The following DLGAP2 variants were observed in gnomAD, a reference collection of about 807,000 sequenced individuals.
DLGAP2 encodes the protein disks large-associated protein 2.
DLGAP2 carries 26 observed loss-of-function variants against 100.3 expected under a neutral mutation model. The ratio of observed to expected loss-of-function variants is 0.26; its 90% CI spans 0.19 to 0.36. The LOEUF is 0.36. Ranked by LOEUF, DLGAP2 falls within the 10% of genes least tolerant of loss-of-function variation. DLGAP2 has a pLI of 1.00. For missense variants in DLGAP2, 1,858 were observed against 1,453.2 expected (o/e 1.28, Z -4.53); for synonymous variants, 886 against 630.1 (o/e 1.41, Z -6.08).
chr8:1,264,016 A>C (rs2116915647), intron 3 of DLGAP2, among the ~76,000 whole-genome samples: 1 of 152,340 alleles, frequency 6.6e-6, no homozygotes, highest in East Asian at 1.9e-4. Context: ...ATCAGAAAAC[A>C]GTCTCTAGGG....
chr8:1,476,581 T>G (rs1025910462), intron 3 of DLGAP2, among the ~76,000 whole-genome samples: 1 of 152,192 alleles, frequency 6.6e-6, no homozygotes, highest in Admixed American at 6.5e-5. Context: ...CAAATGTTAG[T>G]GCTGTCCCCA....
chr8:963,565 G>T (rs1026819043), intron 2 of DLGAP2, among the ~76,000 whole-genome samples: 2 of 152,006 alleles, frequency 1.3e-5, no homozygotes, highest in South Asian at 4.2e-4. Context: ...TCAACACAAC[G>T]TAAGCAAGGA....
chr8:1,549,658 C>T lies in DLGAP2; in HGVS notation c.1205C>T (p.Ala402Val). 1.3e-6 allele frequency: 2 copies of T among 1,562,552 alleles called. No individual in the cohort carries two copies. The highest frequency in any genetic ancestry group is 1.7e-6 in the Non-Finnish European group (2 of 1,153,778). Residue 402 changes from alanine to valine, a missense_variant, in exon 5 of 15, where the codon GCC becomes GTC. Ala to Val is a moderately conservative substitution (Grantham distance 64). Coordinates refer to ENST00000637795, the MANE Select transcript of DLGAP2 (RefSeq NM_001346810.2). ...KPLLHQDAKP[A>V]LRPCHYLQVP... ...CTGCTGCACCAGGACGCCAAGCCCG[C>T]CCTGAGGCCGTGCCACTACCTCCAG...
intron 1 of DLGAP2, among the ~76,000 whole-genome samples, chr8:770,182 G>C (rs1821321154): frequency 6.6e-6 from 1 of 152,156 alleles, no homozygotes; most frequent in Non-Finnish European, 1.5e-5. Flanking sequence ...GCACAGTGTT[G>C]CTACAATTTG....
intron 4 of DLGAP2, among the ~76,000 whole-genome samples, chr8:1,528,088 G>C (rs1178051286): frequency 6.6e-6 from 1 of 152,246 alleles, no homozygotes; most frequent in African/African-American, 2.4e-5. Context: ...GTGGCTTCCA[G>C]CCACTGCACG....
intron 6 of DLGAP2, among the ~76,000 whole-genome samples, chr8:1,617,475 C>G (rs1357832097): frequency 6.6e-6 from 1 of 152,130 alleles, no homozygotes; most frequent in East Asian, 1.9e-4. Context: ...CTTTAATGAT[C>G]CATGATGTTG....
intron 2 of DLGAP2, among the ~76,000 whole-genome samples, chr8:1,059,707 C>G (rs529994245): frequency 6.6e-6 from 1 of 152,134 alleles, no homozygotes; most frequent in African/African-American, 2.4e-5. Context: ...AAGGCGCCCT[C>G]TTTGCTGTGG....
intron 3 of DLGAP2, among the ~76,000 whole-genome samples, chr8:1,453,801 G>T (rs79300884): frequency 1.3e-5 from 2 of 152,192 alleles, no homozygotes; most frequent in Non-Finnish European, 1.5e-5. Flanking sequence ...AACCCATAAG[G>T]CATCATGCAA....
At chr8:1,553,384 C>T (rs75227287) in intron 5 of DLGAP2, among the ~76,000 whole-genome samples, 3 of 151,292 alleles carry the variant, frequency 2.0e-5, no homozygotes, top group Non-Finnish European at 4.4e-5. Flanking sequence ...CAGTTTTATT[C>T]GGCATGTTCA....
At chr8:1,303,830 A>T (rs770252009) in intron 3 of DLGAP2, among the ~76,000 whole-genome samples, 1 of 151,540 alleles carries the variant, frequency 6.6e-6, no homozygotes, top group South Asian at 2.1e-4. Context: ...AGAAGGCGGG[A>T]CTCCCGGGAG....
intron 3 of DLGAP2, among the ~76,000 whole-genome samples, chr8:1,384,585 G>C (rs1296986803): frequency 7.0e-6 from 1 of 143,684 alleles, no homozygotes; most frequent in Non-Finnish European, 1.5e-5. Flanking sequence ...CAGTTACCCC[G>C]GCCTGTGCCC....
At chr8:1,209,285 T>C (rs536884537) in intron 2 of DLGAP2, among the ~76,000 whole-genome samples, 2 of 152,298 alleles carry the variant, frequency 1.3e-5, no homozygotes, top group South Asian at 4.1e-4. Flanking sequence ...AACAGCATGG[T>C]ACTGGCATAA....
intron 4 of DLGAP2, among the ~76,000 whole-genome samples, chr8:1,508,572 C>T (rs1800035002): frequency 1.1e-5 from 1 of 94,018 alleles, no homozygotes; most frequent in Admixed American, 1.2e-4. Flanking sequence ...CGCGCGCCGA[C>T]ATCCATTCAA....
chr8:1,194,919 G>T (rs1013015000), intron 2 of DLGAP2, among the ~76,000 whole-genome samples: 3 of 152,338 alleles, frequency 2.0e-5, no homozygotes, highest in African/African-American at 7.2e-5. Flanking sequence ...CCACCTGGGC[G>T]TTCAGTTGTC....
intron 2 of DLGAP2, among the ~76,000 whole-genome samples, chr8:1,174,800 C>T (rs1479348905): frequency 6.6e-6 from 1 of 152,132 alleles, no homozygotes; most frequent in East Asian, 1.9e-4. Flanking sequence ...ATTATCACTA[C>T]CTCCATCATT....
intron 6 of DLGAP2, among the ~76,000 whole-genome samples, chr8:1,582,532 C>T (rs1273041127): frequency 6.7e-6 from 1 of 150,230 alleles, no homozygotes; most frequent in Non-Finnish European, 1.5e-5. Context: ...AAAAAAAAAG[C>T]TAGGGAAATT....
In DLGAP2 at chr8:1,668,301, G is replaced by A. The variant is rs558527890; in HGVS notation, c.1811-28G>A. 30 of 1,456,848 alleles carry A rather than the reference G, an allele frequency of 2.1e-5. No homozygotes were observed. In the East Asian group the frequency reaches 6.8e-4, roughly 33 times the overall value. 90.2% of individuals were successfully genotyped at this position (1,456,848 alleles called of 1,614,324 possible). A position where few individuals can be genotyped will look rare whatever the true frequency, so the allele number is the denominator to read the frequency against. Reference sequence around the variant, plus strand: ...CAGGCTGACGGGGAAGAACACGCCTGTTGACTTGGGACTTTCTTTTCTTAC... The same window carrying A: ...CAGGCTGACGGGGAAGAACACGCCTATTGACTTGGGACTTTCTTTTCTTAC... On this transcript the variant is annotated intron_variant, in intron 8 of 14. Coordinates refer to ENST00000637795, the MANE Select transcript of DLGAP2 (RefSeq NM_001346810.2).
chr8:1,617,255 G>A (rs771495462), intron 6 of DLGAP2, among the ~76,000 whole-genome samples: 6 of 152,228 alleles, frequency 3.9e-5, no homozygotes, highest in Non-Finnish European at 8.8e-5. Context: ...TAATGGGATT[G>A]CTGGGTCAGA....
At chr8:1,322,525 G>A (rs1463652708) in intron 3 of DLGAP2, among the ~76,000 whole-genome samples, 1 of 151,898 alleles carries the variant, frequency 6.6e-6, no homozygotes, top group African/African-American at 2.4e-5. Flanking sequence ...CTGTGGAAAT[G>A]CATGCACCCA....
Sources: allele counts gnomAD v4.1 joint callset (sites outside exome capture counted in the v4.1 genomes callset), GRCh38; gene constraint gnomAD v4.1.1; transcripts MANE v1.5; gene names NCBI Gene and HGNC (gene_info 2026-07-23, HGNC 2026-07-21).